FHL5: variants seen among roughly 807,000 people sequenced by gnomAD.
FHL5 encodes four and a half LIM domains protein 5.
Under a neutral mutation model 32.0 loss-of-function variants are expected in FHL5, and 33 were observed. That is an observed-to-expected ratio of 1.03 (90% confidence interval 0.78 to 1.38). The LOEUF is 1.38. FHL5 is among the 40% of genes most tolerant of loss of function. FHL5 has a pLI of 0.00. For missense variants in FHL5, 336 were observed against 343.9 expected (o/e 0.98, Z 0.18); for synonymous variants, 114 against 113.6 (o/e 1.00, Z -0.02).
intron 1 of FHL5, among the ~76,000 whole-genome samples, chr6:96,599,270 A>T (rs2971605): frequency 6.8e-6 from 1 of 146,160 alleles, no homozygotes; most frequent in African/African-American, 2.5e-5. Context: ...ATCTAGGCTC[A>T]CTGCAACCTT....
intron 1 of FHL5, among the ~76,000 whole-genome samples, chr6:96,603,161 G>C (rs913866735): frequency 1.3e-5 from 2 of 152,084 alleles, no homozygotes; most frequent in African/African-American, 2.4e-5. Context: ...ATTTATATTT[G>C]AGTAAAAAAG....
intron 1 of FHL5, among the ~76,000 whole-genome samples, chr6:96,579,724 T>C (rs1477290593): frequency 6.6e-6 from 1 of 152,198 alleles, no homozygotes; most frequent in East Asian, 1.9e-4. Flanking sequence ...TAGTTAAGAA[T>C]TGGGAGGTAA....
rs541248555 is a variant in FHL5 at position 96,586,983 on chromosome 6, C to T, written c.-12-16619C>T. 8.5e-5 allele frequency among the ~76,000 whole-genome samples: 13 copies of T among 152,208 alleles called. No homozygotes were observed. The South Asian group carries it at 2.7e-3, about 32-fold the overall frequency. On this transcript the variant is annotated intron_variant, in intron 1 of 5. Coordinates refer to ENST00000450218, the MANE Select transcript of FHL5 (RefSeq NM_001322466.2). Reference sequence around the variant, plus strand: ...CCAGTCCGATCCTGAAGACAAAGCACAATCAAAGGAATGGCCTCCAAGAGA... The same window carrying T: ...CCAGTCCGATCCTGAAGACAAAGCATAATCAAAGGAATGGCCTCCAAGAGA...
At position 96,615,960 on chromosome 6, in the gene FHL5, A is replaced by G. The variant is rs112227786; in HGVS notation, c.*188A>G. On this transcript the variant is annotated 3_prime_UTR_variant, in exon 6 of 6. Coordinates refer to ENST00000450218, the MANE Select transcript of FHL5 (RefSeq NM_001322466.2). Reference sequence around the variant, plus strand: ...AAAAAGCACAGTAGAACAGAAATGAATATATGCTAAATCACAAAGACAACT... The same window carrying G: ...AAAAAGCACAGTAGAACAGAAATGAGTATATGCTAAATCACAAAGACAACT... 1.4e-3 allele frequency: 622 copies of G among 436,808 alleles called. 2 individuals are homozygous for G. The highest frequency in any genetic ancestry group is 4.7e-3 in the African/African-American group (229 of 49,180). 27.1% of individuals were successfully genotyped at this position (436,808 alleles called of 1,614,324 possible).
At chr6:96,576,360 T>A (rs954727762) in intron 1 of FHL5, among the ~76,000 whole-genome samples, 1 of 152,170 alleles carries the variant, frequency 6.6e-6, no homozygotes, top group African/African-American at 2.4e-5. Flanking sequence ...TTTCTGTTGA[T>A]CAGGAAACAC....
chr6:96,602,426 C>CTTTTTTTTTTTT lies in FHL5; in HGVS notation c.-12-1149_-12-1138dup, dbSNP rs1168636713. Among the ~76,000 whole-genome samples, 10 of 33,704 alleles carry CTTTTTTTTTTTT rather than the reference C, an allele frequency of 3.0e-4. 2 individuals carry two copies. The highest frequency in any genetic ancestry group is 4.6e-4 in the Non-Finnish European group (7 of 15,324). The allele number at this position is 33,704 out of a possible 152,430, so 22.1% of individuals were successfully genotyped here. A position where few individuals can be genotyped will look rare whatever the true frequency, so the allele number is the denominator to read the frequency against. ...ACCTGGAAATCTATATGCGTTGTTT[C>CTTTTTTTTTTTT]TTTTTTTTTTTTTTTTTTTTTTTTT... On this transcript the variant is annotated intron_variant, in intron 1 of 5. Transcript: ENST00000450218.
At chr6:96,593,450 A>G (rs1770963633) in intron 1 of FHL5, among the ~76,000 whole-genome samples, 1 of 152,138 alleles carries the variant, frequency 6.6e-6, no homozygotes, top group Non-Finnish European at 1.5e-5. Flanking sequence ...GTGTTCACCT[A>G]GGGATACCAG....
intron 1 of FHL5, among the ~76,000 whole-genome samples, chr6:96,576,635 T>C (rs1399386554): frequency 6.6e-6 from 1 of 152,320 alleles, no homozygotes; most frequent in East Asian, 1.9e-4. Context: ...TTTGATAACA[T>C]ATATATTCAG....
At chr6:96,597,494 A>C (rs980033865) in intron 1 of FHL5, among the ~76,000 whole-genome samples, 5 of 152,150 alleles carry the variant, frequency 3.3e-5, no homozygotes, top group African/African-American at 1.2e-4. Context: ...CACTGTTTCT[A>C]AATTAATTCT....
intron 1 of FHL5, among the ~76,000 whole-genome samples, chr6:96,577,941 CAAA>C (rs201913399): frequency 3.9e-5 from 4 of 102,926 alleles, no homozygotes; most frequent in Admixed American, 1.0e-4. Flanking sequence ...CTTCTTCTTT[CAAA>C]AAAAAAAAAA....
intron 1 of FHL5, among the ~76,000 whole-genome samples, chr6:96,590,038 G>A (rs1770882442): frequency 1.3e-5 from 2 of 151,876 alleles, no homozygotes; most frequent in Non-Finnish European, 2.9e-5. Flanking sequence ...TTAATCCTGT[G>A]TTTATACCAT....
rs1221029169 is a variant in FHL5 at position 96,617,155 on chromosome 6, C to G, written c.*1383C>G. Among the ~76,000 whole-genome samples the G allele has an allele frequency of 6.6e-6, 1 of 152,148 alleles. No individual in the cohort carries two copies. The highest frequency in any genetic ancestry group is 1.5e-5 in the Non-Finnish European group (1 of 68,036). On this transcript the variant is annotated 3_prime_UTR_variant, in exon 6 of 6. Coordinates refer to ENST00000450218, the MANE Select transcript of FHL5 (RefSeq NM_001322466.2). ...CTACCCCTGGATATTTTCCACATTACTTGGGACAAATGGAAAGCAACCTCT... is the reference window on the plus strand; with the variant it reads ...CTACCCCTGGATATTTTCCACATTAGTTGGGACAAATGGAAAGCAACCTCT...
chr6:96,600,784 G>T (rs2127971086), intron 1 of FHL5, among the ~76,000 whole-genome samples: 1 of 152,262 alleles, frequency 6.6e-6, no homozygotes, highest in South Asian at 2.1e-4. Context: ...CATTCAGTTT[G>T]CTCACTTACC....
chr6:96,562,650 A>G (rs1770272426), upstream of FHL5: 1 of 152,182 alleles, frequency 6.6e-6, no homozygotes, highest in Non-Finnish European at 1.5e-5. Flanking sequence ...GAGTTCCCCA[A>G]TTTCCCAAGA....
At chr6:96,576,486 C>T (rs1770586765) in intron 1 of FHL5, among the ~76,000 whole-genome samples, 1 of 152,144 alleles carries the variant, frequency 6.6e-6, no homozygotes, top group African/African-American at 2.4e-5. Context: ...TTTGAATGTC[C>T]CTCTCCCAGG....
intron 1 of FHL5, among the ~76,000 whole-genome samples, chr6:96,569,058 CT>C (rs1313081871): frequency 6.6e-6 from 1 of 151,730 alleles, no homozygotes; most frequent in Admixed American, 6.6e-5. Flanking sequence ...TATCTTTCTA[CT>C]TTTTTGATAT....
chr6:96,617,306 GT>G lies in FHL5; in HGVS notation c.*1538del, dbSNP rs1582486453. ...CAGATTACACATTATAGCATTAAAGGTTTTGATTAAAATCTAATTGTAAGAT... is the reference window on the plus strand; with the variant it reads ...CAGATTACACATTATAGCATTAAAGGTTTGATTAAAATCTAATTGTAAGAT... On this transcript the variant is annotated 3_prime_UTR_variant, in exon 6 of 6. Transcript: ENST00000450218. 1.3e-5 allele frequency among the ~76,000 whole-genome samples: 2 copies of G among 152,248 alleles called. No individual in the cohort carries two copies. Among genetic ancestry groups the G allele is most frequent in the East Asian group, 3.9e-4 (2 of 5,184 alleles).
chr6:96,562,741 C>T (rs746235026), upstream of FHL5: 1 of 152,092 alleles, frequency 6.6e-6, no homozygotes. Flanking sequence ...GGGACCTCAT[C>T]CCTTTCCAGA....
chr6:96,612,616 C>T (rs1771434405), intron 5 of FHL5, among the ~76,000 whole-genome samples: 1 of 152,090 alleles, frequency 6.6e-6, no homozygotes, highest in Admixed American at 6.5e-5. Context: ...TGCACAAAAA[C>T]ATGAGGATGA....
Sources: gnomAD v4.1 joint callset for allele counts (sites outside exome capture counted in the v4.1 genomes callset) on GRCh38, gnomAD v4.1.1 for gene constraint, MANE v1.5 for transcripts, NCBI Gene and HGNC (gene_info 2026-07-23, HGNC 2026-07-21) for gene names.